The following ZBTB17 variants were observed in gnomAD, a reference collection of about 807,000 sequenced individuals.
The protein encoded by ZBTB17 is zinc finger and BTB domain-containing protein 17.
Under a neutral mutation model 85.1 loss-of-function variants are expected in ZBTB17, and 24 were observed. That is an observed-to-expected ratio of 0.28 (90% CI 0.20 to 0.40). ZBTB17 has a LOEUF of 0.40. Ranked by LOEUF, ZBTB17 falls within the 10% of genes least tolerant of loss-of-function variation. ZBTB17 has a pLI of 1.00. For missense variants in ZBTB17, 743 were observed against 1,105.1 expected (o/e 0.67, Z 4.65); for synonymous variants, 464 against 460.2 (o/e 1.01, Z -0.11).
At position 15,943,484 on chromosome 1, in the gene ZBTB17, C is replaced by A. The variant is rs778588834; in HGVS notation, c.1612G>T (p.Ala538Ser). Residue 538 changes from alanine to serine, a missense_variant, in exon 12 of 16, where the codon GCC (alanine) becomes TCC (serine). Transcript: ENST00000375743. Reference sequence around the variant, plus strand: ...ATGAGGGAGCTGGCCTGGGTGAAGGCCTTACCGCACATCACACACTGGCAT... The same window carrying A: ...ATGAGGGAGCTGGCCTGGGTGAAGGACTTACCGCACATCACACACTGGCAT... ...KPCQCVMCGK[A>S]FTQASSLIAH... The A allele has an allele frequency of 1.2e-6, 2 of 1,610,846 alleles. No individual in the cohort carries two copies. The highest frequency in any genetic ancestry group is 2.2e-5 in the South Asian group (2 of 90,786).
At chr1:15,958,615 A>G (rs974858537) in intron 2 of ZBTB17, among the ~76,000 whole-genome samples, 1 of 152,128 alleles carries the variant, frequency 6.6e-6, no homozygotes, top group Non-Finnish European at 1.5e-5. Context: ...TCCACTGCAA[A>G]GTGCCAGGGG....
At chr1:15,943,261 G>A (rs1359482794) in intron 12 of ZBTB17, 67 bp from the exon 13 acceptor site, 4 of 1,611,376 alleles carry the variant, frequency 2.5e-6, no homozygotes, top group Admixed American at 1.7e-5. Flanking sequence ...TCACCCTCTA[G>A]ACTGAAAAGG....
chr1:15,955,730 A>C (rs1313318712), intron 2 of ZBTB17, among the ~76,000 whole-genome samples: 2 of 152,190 alleles, frequency 1.3e-5, no homozygotes, highest in Non-Finnish European at 2.9e-5. Flanking sequence ...CTGGAGGATC[A>C]CTTTAAAGAG....
At chr1:15,945,921 G>A (rs751072862) in intron 5 of ZBTB17, 81 bp from the exon 6 acceptor site, 1 of 1,560,824 alleles carries the variant, frequency 6.4e-7, no homozygotes, top group African/African-American at 1.3e-5. Context: ...GCGCGCTGGT[G>A]GTGGCTGCGT....
chr1:15,944,748 C>T lies in ZBTB17; in HGVS notation c.1019G>A (p.Ser340Asn). 1 of 1,612,610 alleles carries T rather than the reference C, an allele frequency of 6.2e-7. No homozygotes were observed. The highest frequency in any genetic ancestry group is 8.5e-7 in the Non-Finnish European group (1 of 1,179,876). The change falls in exon 8 of 16, where the codon AGC (serine) becomes AAC (asparagine). Residue 340 changes from serine to asparagine, a missense_variant. Around this residue, in one of 4 missense-constraint regions of ZBTB17, gnomAD observed 321 missense variants for 615.7 expected, o/e 0.52. Transcript: ENST00000375743. ...GEKPFSCREC[S>N]KAFSDPAACK... ...CGCGGCCGGGTCGGAAAAGGCCTTG[C>T]TGCACTCCCGGCACGAGAAGGGCTT... is the stretch of plus-strand genomic sequence containing the variant.
chr1:15,974,676 G>A (rs1225783322), intron 1 of ZBTB17, among the ~76,000 whole-genome samples: 1 of 151,956 alleles, frequency 6.6e-6, no homozygotes, highest in African/African-American at 2.4e-5. Context: ...CTGCGTTCGA[G>A]CGATTCTCAT....
chr1:15,971,455 CA>C (rs2072664419), intron 2 of ZBTB17, among the ~76,000 whole-genome samples: 1 of 130,044 alleles, frequency 7.7e-6, no homozygotes, highest in Non-Finnish European at 1.7e-5. Context: ...TATACACACA[CA>C]CTATATATAC....
intron 2 of ZBTB17, chr1:15,970,124 T>C: frequency 1.6e-6 from 1 of 620,760 alleles, no homozygotes; most frequent in Admixed American, 2.5e-5. Flanking sequence ...AGTTGGGTCA[T>C]CATATGTACC....
At chr1:15,946,797 T>C (rs2071628429) in intron 4 of ZBTB17, 138 bp downstream of exon 4, 1 of 1,139,574 alleles carries the variant, frequency 8.8e-7, no homozygotes, top group East Asian at 2.6e-5. Context: ...CCCTCAGACC[T>C]GAGGCTAACC....
chr1:15,957,275 A>G (rs1178137453), intron 2 of ZBTB17, among the ~76,000 whole-genome samples: 1 of 152,112 alleles, frequency 6.6e-6, no homozygotes, highest in Non-Finnish European at 1.5e-5. Flanking sequence ...AGAGGGAGCT[A>G]GGCCACTGTA....
intron 2 of ZBTB17, among the ~76,000 whole-genome samples, chr1:15,958,432 A>C (rs940739485): frequency 2.0e-5 from 3 of 151,812 alleles, no homozygotes; most frequent in Non-Finnish European, 2.9e-5. Context: ...AAAAAAAAAA[A>C]AACACACAGG....
rs771767188 is a variant in ZBTB17, at chr1:15,942,044, G to T, written c.2337C>A (p.Arg779=). The change falls in exon 16 of 16, where the codon CGC becomes CGA. Residue 779 remains arginine, a synonymous_variant. Transcript: ENST00000375743. ...GTGCGGGCTGGCCCTCAGCCCCGTC[G>T]CGAGGGCGGAAGACCAGCTCCCCAG... ...LQAGELVFRP[R]DGAEGQPALA... 1.9e-6 allele frequency: 3 copies of T among 1,611,750 alleles called. No homozygotes were observed. Among genetic ancestry groups the T allele is most frequent in the South Asian group, 1.1e-5 (1 of 91,076 alleles).
chr1:15,972,712 A>T (rs1269008286), intron 2 of ZBTB17, among the ~76,000 whole-genome samples: 1 of 152,156 alleles, frequency 6.6e-6, no homozygotes, highest in Non-Finnish European at 1.5e-5. Context: ...ATCTCACAGA[A>T]CACAGCAAGC....
In ZBTB17 at chr1:15,966,943, A is replaced by AC. The variant is rs1462792312; in HGVS notation, c.-3+6095_-3+6096insG. The stretch of plus-strand genomic sequence containing the variant: ...TTAATTAATTAATTAATTAAAAAAC[A>AC]AAAAAAAAAGCCGTGGCCAGCAAAA... On this transcript the variant is annotated intron_variant, in intron 2 of 15. Coordinates refer to ENST00000375743, the MANE Select transcript of ZBTB17 (RefSeq NM_003443.3). The surrounding 1 kb of genome is among the most constrained non-coding windows in gnomAD (Gnocchi z 4.1). 1.6e-5 allele frequency among the ~76,000 whole-genome samples: 2 copies of AC among 128,630 alleles called. No homozygotes were observed. The highest frequency in any genetic ancestry group is 3.4e-5 in the African/African-American group (1 of 29,142). The allele number at this position is 128,630 out of a possible 152,430, so 84.4% of individuals were successfully genotyped here. A position where few individuals can be genotyped will look rare whatever the true frequency, so the allele number is the denominator to read the frequency against.
At chr1:15,958,984 T>C (rs1198928406) in intron 2 of ZBTB17, among the ~76,000 whole-genome samples, 6 of 152,034 alleles carry the variant, frequency 3.9e-5, no homozygotes, top group Non-Finnish European at 7.4e-5. Context: ...AAGGGGGAGA[T>C]GAAGTCCCAC....
At position 15,969,890 on chromosome 1, in the gene ZBTB17, G is replaced by A. The variant is rs542101821; in HGVS notation, c.-3+3149C>T. 35 of 621,152 alleles carry A rather than the reference G, an allele frequency of 5.6e-5. No individual in the cohort carries two copies. The African/African-American group carries it at 6.2e-4, about 11-fold the overall frequency. 38.5% of individuals were successfully genotyped at this position (621,152 alleles called of 1,614,324 possible). On this transcript the variant is annotated intron_variant, in intron 2 of 15. Coordinates refer to ENST00000375743, the MANE Select transcript of ZBTB17 (RefSeq NM_003443.3). ...ACTGTAAAATTCCCCTTAGACAGAC[G>A]GAGGCAGCTAGGACTCTGGAGTCAG... is the stretch of plus-strand genomic sequence containing the variant.
Position 15,943,510 on chromosome 1 carries a change from G to T in ZBTB17, c.1586C>A (p.Pro529Gln). ...RHVRIHTGEK[P>Q]CQCVMCGKAF... Reference sequence around the variant, plus strand: ...CTTACCGCACATCACACACTGGCATGGCTTCTCACCTGGGGACCGGGCAGA... The same window carrying T: ...CTTACCGCACATCACACACTGGCATTGCTTCTCACCTGGGGACCGGGCAGA... Residue 529 changes from proline to glutamine, a missense_variant, in exon 12 of 16, where the codon CCA (proline) becomes CAA (glutamine). Transcript: ENST00000375743. 1 of 1,610,114 alleles carries T rather than the reference G, an allele frequency of 6.2e-7. No homozygotes were observed. The highest frequency in any genetic ancestry group is 8.5e-7 in the Non-Finnish European group (1 of 1,177,356).
intron 9 of ZBTB17, 185 bp from the exon 10 acceptor site, chr1:15,944,080 T>A: frequency 1.0e-6 from 1 of 987,460 alleles, no homozygotes; most frequent in Non-Finnish European, 1.6e-6. Context: ...CCACCCCATT[T>A]TTTCAGGACC....
rs1310461079 is a variant in ZBTB17, at chr1:15,943,610, C to T, written c.1565G>A (p.Arg522His). ...CGCTCACCACCCACCTGTGTGAATG[C>T]GGACGTGCCGCTGCAGAGCGCCGGG... is the stretch of plus-strand genomic sequence containing the variant. Reference protein sequence around the residue: ...ADPGALQRHVRIHTGEKPCQC... With the variant: ...ADPGALQRHVHIHTGEKPCQC... The change falls in exon 11 of 16, where the codon CGC (arginine) becomes CAC (histidine). Residue 522 changes from arginine (R) to histidine (H), a missense_variant. Transcript: ENST00000375743. 2.5e-6 allele frequency: 4 copies of T among 1,612,808 alleles called. No individual in the cohort carries two copies. Among genetic ancestry groups the T allele is most frequent in the Non-Finnish European group, 3.4e-6 (4 of 1,179,936 alleles).
Sources: allele counts gnomAD v4.1 joint callset (sites outside exome capture counted in the v4.1 genomes callset), GRCh38; gene constraint gnomAD v4.1.1; regional missense constraint gnomAD v4.1.1; non-coding constraint Gnocchi (gnomAD v3.1); transcripts MANE v1.5; gene names NCBI Gene and HGNC (gene_info 2026-07-23, HGNC 2026-07-21).